The following ENPP6 variants were observed in gnomAD, a reference collection of about 807,000 sequenced individuals.
ENPP6 encodes glycerophosphocholine cholinephosphodiesterase ENPP6.
In ENPP6, 32 loss-of-function variants were observed where a neutral mutation model predicts 42.0. That is an observed-to-expected ratio of 0.76 (90% CI 0.58 to 1.02). The LOEUF (loss-of-function observed/expected upper bound fraction) is 1.02. ENPP6 is among the 50% of genes least tolerant of loss of function. The pLI is 0.00. For missense variants in ENPP6, 552 were observed against 566.8 expected (o/e 0.97, Z 0.27); for synonymous variants, 213 against 216.0 (o/e 0.99, Z 0.12).
At position 184,151,424 on chromosome 4, in the gene ENPP6, G is replaced by A. The variant is rs190532872; in HGVS notation, c.421+2130C>T. ...CAATACGGCGACTGCCCCTCAGTAG[G>A]ATCTCCTCCCACTTGGCTGTAGCAC... is the stretch of plus-strand genomic sequence containing the variant. On this transcript the variant is annotated intron_variant, in intron 2 of 7. Transcript: ENST00000296741. Among the ~76,000 whole-genome samples the A allele has an allele frequency of 8.9e-3, 1,363 of 152,314 alleles. 11 individuals carry two copies. Among genetic ancestry groups the A allele is most frequent in the South Asian group, 0.019 (90 of 4,830 alleles).
intron 1 of ENPP6, among the ~76,000 whole-genome samples, chr4:184,160,285 C>G (rs1193508791): frequency 6.6e-6 from 1 of 152,214 alleles, no homozygotes; most frequent in Admixed American, 6.5e-5. Flanking sequence ...TAAAAATGTT[C>G]TCTTTTCACC....
At chr4:184,146,250 G>A (rs1736918576) in intron 2 of ENPP6, among the ~76,000 whole-genome samples, 1 of 151,838 alleles carries the variant, frequency 6.6e-6, no homozygotes, top group Non-Finnish European at 1.5e-5. Context: ...GGCCAAGATG[G>A]TGAAACCCCG....
chr4:184,137,967 T>A (rs1477648801), intron 2 of ENPP6, among the ~76,000 whole-genome samples: 2 of 152,198 alleles, frequency 1.3e-5, no homozygotes, highest in African/African-American at 2.4e-5. Context: ...GCTTTTCTAG[T>A]TGTTCCTGGA....
rs571046176 is a variant in ENPP6, at chr4:184,183,584, T to C, written c.242-29851A>G. ...CTCACAAGTGATCCCACTAGGTCAGTGGTGTTCCTTCTTTCTTGGAAAAGC... is the reference window on the plus strand; with the variant it reads ...CTCACAAGTGATCCCACTAGGTCAGCGGTGTTCCTTCTTTCTTGGAAAAGC... On this transcript the variant is annotated intron_variant, in intron 1 of 7. Transcript: ENST00000296741. 1.5e-3 allele frequency among the ~76,000 whole-genome samples: 232 copies of C among 152,312 alleles called. 2 individuals carry two copies. Among genetic ancestry groups the C allele is most frequent in the Non-Finnish European group, 9.3e-4 (63 of 68,028 alleles).
At chr4:184,141,581 A>C (rs1318543813) in intron 2 of ENPP6, among the ~76,000 whole-genome samples, 1 of 152,196 alleles carries the variant, frequency 6.6e-6, no homozygotes, top group Non-Finnish European at 1.5e-5. Context: ...GGAACATCGC[A>C]GGGAAATGCC....
chr4:184,137,675 G>A (rs1460040419), intron 2 of ENPP6, among the ~76,000 whole-genome samples: 1 of 152,178 alleles, frequency 6.6e-6, no homozygotes. Flanking sequence ...CTTGCCCCTT[G>A]TCTATTTCTA....
intron 1 of ENPP6, among the ~76,000 whole-genome samples, chr4:184,177,863 T>G (rs1002889285): frequency 3.3e-5 from 5 of 151,932 alleles, no homozygotes; most frequent in African/African-American, 1.2e-4. Context: ...AAAAACTCCA[T>G]CCAAATGTCA....
chr4:184,138,247 C>T (rs1224382619), intron 2 of ENPP6, among the ~76,000 whole-genome samples: 1 of 152,178 alleles, frequency 6.6e-6, no homozygotes, highest in Non-Finnish European at 1.5e-5. Flanking sequence ...AAGTTGTTCA[C>T]ATAAATAAAT....
At chr4:184,141,922 C>T (rs1736830033) in intron 2 of ENPP6, among the ~76,000 whole-genome samples, 1 of 152,152 alleles carries the variant, frequency 6.6e-6, no homozygotes, top group Non-Finnish European at 1.5e-5. Context: ...GTAACGTCTA[C>T]AATACGGACG....
rs551667098 is a variant in ENPP6, at chr4:184,200,744, G to C, written c.241+16835C>G. On this transcript the variant is annotated intron_variant, in intron 1 of 7. Transcript: ENST00000296741. Reference sequence around the variant, plus strand: ...GATAATCGGCTGGGCAACCCAGGTTGAGTGGATGAGACTGCTCACCACCAA... The same window carrying C: ...GATAATCGGCTGGGCAACCCAGGTTCAGTGGATGAGACTGCTCACCACCAA... Among the ~76,000 whole-genome samples, 5 of 152,316 alleles carry C rather than the reference G, an allele frequency of 3.3e-5. No individual in the cohort carries two copies. The South Asian group carries it at 1.0e-3, about 32-fold the overall frequency.
chr4:184,131,847 A>G (rs965837461), intron 2 of ENPP6, among the ~76,000 whole-genome samples: 25 of 152,130 alleles, frequency 1.6e-4, no homozygotes, highest in African/African-American at 5.8e-4. Flanking sequence ...ATAAAGAGGT[A>G]TATTATGAGG....
chr4:184,130,420 T>A (rs539008535), intron 2 of ENPP6, among the ~76,000 whole-genome samples: 1 of 119,958 alleles, frequency 8.3e-6, no homozygotes, highest in African/African-American at 3.1e-5. Flanking sequence ...TAGCCGGGCG[T>A]GGTGGTGGGC....
chr4:184,107,119 G>A (rs948118570), intron 6 of ENPP6, among the ~76,000 whole-genome samples: 10 of 152,318 alleles, frequency 6.6e-5, no homozygotes, highest in East Asian at 1.9e-4. Flanking sequence ...TGAGAACCAC[G>A]GTGGAGCCAA....
In ENPP6 at chr4:184,128,241, C is replaced by T. The variant is rs561616451; in HGVS notation, c.422-3969G>A. Among the ~76,000 whole-genome samples the T allele has an allele frequency of 7.0e-4, 106 of 152,278 alleles. 2 individuals are homozygous for T. The South Asian group carries it at 0.021, about 31-fold the overall frequency. Reference sequence around the variant, plus strand: ...TGTCACCCAGGCTGGAGTGCAGTGGCACGATCTCGGGTCACTGCAACTTCC... The same window carrying T: ...TGTCACCCAGGCTGGAGTGCAGTGGTACGATCTCGGGTCACTGCAACTTCC... On this transcript the variant is annotated intron_variant, in intron 2 of 7. Coordinates refer to ENST00000296741, the MANE Select transcript of ENPP6 (RefSeq NM_153343.4).
At chr4:184,146,151 G>T (rs1350316546) in intron 2 of ENPP6, among the ~76,000 whole-genome samples, 1 of 151,424 alleles carries the variant, frequency 6.6e-6, no homozygotes, top group South Asian at 2.1e-4. Context: ...TAGTTGAAAC[G>T]GCCAGGCGCA....
intron 1 of ENPP6, among the ~76,000 whole-genome samples, chr4:184,157,569 TCTTTCCTTTTTTTCCTTC>T (rs1362763188): frequency 6.6e-6 from 1 of 150,860 alleles, no homozygotes; most frequent in East Asian, 1.9e-4. Flanking sequence ...TTCTTTCCTT[TCTTTCCTTTTTTTCCTTC>T]CTTTCCTTTC....
chr4:184,097,772 T>A (rs1455364449), intron 6 of ENPP6, among the ~76,000 whole-genome samples: 2 of 152,174 alleles, frequency 1.3e-5, no homozygotes, highest in African/African-American at 4.8e-5. Context: ...TAAGAATGTC[T>A]TTCGCTTTTC....
chr4:184,131,329 T>C (rs1736629560), intron 2 of ENPP6, among the ~76,000 whole-genome samples: 1 of 147,626 alleles, frequency 6.8e-6, no homozygotes, highest in Non-Finnish European at 1.5e-5. Flanking sequence ...CTCTCTCTCT[T>C]TCTTCTTTCT....
chr4:184,168,257 T>C (rs1316435), intron 1 of ENPP6, among the ~76,000 whole-genome samples: 87,401 of 151,824 alleles, frequency 0.58, 25,552 homozygotes, highest in Non-Finnish European at 0.61. Flanking sequence ...GGGAAAGCTT[T>C]GGCACGATGT....
Sources: gnomAD v4.1 joint callset for allele counts (sites outside exome capture counted in the v4.1 genomes callset) on GRCh38, gnomAD v4.1.1 for gene constraint, MANE v1.5 for transcripts, NCBI Gene and HGNC (gene_info 2026-07-23, HGNC 2026-07-21) for gene names.